The following CLEC10A variants were observed in gnomAD, a reference collection of about 807,000 sequenced individuals.
The protein encoded by CLEC10A is C-type lectin domain containing 10A.
In CLEC10A, 38 loss-of-function variants were observed where a neutral mutation model predicts 42.0. That is an observed-to-expected ratio of 0.90 (90% CI 0.70 to 1.18). The LOEUF (loss-of-function observed/expected upper bound fraction) is 1.18, where lower values mean the gene tolerates loss of function less well. CLEC10A is among the 50% of genes most tolerant of loss of function. CLEC10A has a pLI of 0.00. For synonymous variants in CLEC10A, 126 were observed against 139.9 expected, an observed-to-expected ratio of 0.90 and a Z score of 0.70; for missense variants, 298 against 345.9, an observed-to-expected ratio of 0.86 and a Z score of 1.10.
chr17:7,075,195 G>T lies in CLEC10A; in HGVS notation c.729C>A (p.Asp243Glu). 6.4e-7 allele frequency: 1 copy of T among 1,561,688 alleles called. No homozygotes were observed. The highest frequency in any genetic ancestry group is 2.3e-5 in the East Asian group (1 of 43,114). Residue 243 changes from aspartate to glutamate, a missense_variant, in exon 9 of 9, where the codon GAC becomes GAA. By Grantham distance (45) the Asp-to-Glu change is conservative. This residue lies in a region of CLEC10A where 267 missense variants were observed against 289.5 expected (regional missense o/e 0.92). Coordinates refer to ENST00000416562, the MANE Select transcript of CLEC10A (RefSeq NM_001330070.2). Reference protein sequence around the residue: ...FQNWKPGQPDDWQGHGLGGGE... With the variant: ...FQNWKPGQPDEWQGHGLGGGE... ...CTCCACCCAGCCCGTGCCCCTGCCA[G>T]TCGTCTGGCTGGCCTGGCTTCCAGT...
rs549237793 is a variant in CLEC10A at position 7,074,939 on chromosome 17, T to A, written c.*115A>T. 490 of 753,118 alleles carry A rather than the reference T, an allele frequency of 6.5e-4. 1 individual carries two copies. The highest frequency in any genetic ancestry group is 9.3e-4 in the Non-Finnish European group (468 of 504,948). 46.7% of individuals were successfully genotyped at this position (753,118 alleles called of 1,614,324 possible). A position where few individuals can be genotyped will look rare whatever the true frequency, so the allele number is the denominator to read the frequency against. On this transcript the variant is annotated 3_prime_UTR_variant, in exon 9 of 9. Coordinates refer to ENST00000416562, the MANE Select transcript of CLEC10A (RefSeq NM_001330070.2). The stretch of plus-strand genomic sequence containing the variant: ...AGAAAAAAATTCAAAATGTTAGCAG[T>A]GCTTCCAATCTCCCAGTGCTTATTT...
At chr17:7,078,419 A>G in intron 2 of CLEC10A, 2 of 503,686 alleles carry the variant, frequency 4.0e-6, no homozygotes, top group Non-Finnish European at 3.6e-6. Flanking sequence ...CCAGCCCTTC[A>G]TGGGCTTATG....
Position 7,078,023 on chromosome 17 carries a change from A to T in CLEC10A, c.158T>A (p.Val53Asp), listed in dbSNP as rs979807065. The T allele has an allele frequency of 6.8e-6, 11 of 1,613,524 alleles. No individual in the cohort carries two copies. In the African/African-American group the frequency reaches 1.3e-4, roughly 20 times the overall value. The change falls in exon 3 of 9, where the codon GTC (valine) becomes GAC (aspartate). Residue 53 changes from valine to aspartate, a missense_variant. Val to Asp is a radical substitution (Grantham distance 152). Transcript: ENST00000416562. The part of the protein sequence containing the change: ...LSLGLGLLLL[V>D]IICVVGFQNS... The stretch of plus-strand genomic sequence containing the variant: ...TTGGAATCCAACCACACAGATGATG[A>T]CCAGCAGCAGGAGGCCGAGGCCCAG...
At chr17:7,076,307 C>CTTTTTTTTTTTTTTTTTT (rs1206807036) in intron 5 of CLEC10A, among the ~76,000 whole-genome samples, 1 of 121,130 alleles carries the variant, frequency 8.3e-6, no homozygotes, top group Non-Finnish European at 1.7e-5. Context: ...TTCTTTCTTT[C>CTTTTTTTTTTTTTTTTTT]TTTTTTTTTT....
intron 7 of CLEC10A, 57 bp from the exon 8 acceptor site, chr17:7,075,523 T>C: frequency 1.4e-6 from 2 of 1,463,818 alleles, no homozygotes; most frequent in South Asian, 2.5e-5. Context: ...CTCCTTAAAC[T>C]AGTGATTCTC....
chr17:7,075,255 G>C (rs1911654885), intron 8 of CLEC10A, 33 bp from the exon 9 acceptor site: 1 of 1,513,358 alleles, frequency 6.6e-7, no homozygotes, highest in African/African-American at 1.4e-5. Flanking sequence ...AGCTAGGAAG[G>C]GTAGATGGAG....
intron 5 of CLEC10A, among the ~76,000 whole-genome samples, 173 bp downstream of exon 5, chr17:7,076,560 C>G (rs1911765354): frequency 6.6e-6 from 1 of 151,818 alleles, no homozygotes; most frequent in African/African-American, 2.4e-5. Context: ...GATCCACCCG[C>G]CTCGGCCTCC....
intron 3 of CLEC10A, 50 bp from the exon 4 acceptor site, chr17:7,077,037 T>C (rs1170002511): frequency 7.5e-7 from 1 of 1,331,496 alleles, no homozygotes; most frequent in Non-Finnish European, 1.1e-6. Context: ...AGGTCCTCTG[T>C]ACCAGCACCG....
At position 7,076,989 on chromosome 17, in the gene CLEC10A, T is replaced by C. The variant is rs780724227; in HGVS notation, c.185-2A>G. 5 of 1,606,096 alleles carry C rather than the reference T, an allele frequency of 3.1e-6. No homozygotes were observed. The highest frequency in any genetic ancestry group is 4.3e-6 in the Non-Finnish European group (5 of 1,172,970). ...CCAGGTCCCTCTGAAATTTGGAATC[T>C]AAACAGGTGGATGGGAAGGTCAGTG... On this transcript the variant is annotated splice_acceptor_variant, in intron 3 of 8. Coordinates refer to ENST00000416562, the MANE Select transcript of CLEC10A (RefSeq NM_001330070.2). LOFTEE classifies it high-confidence loss of function.
At position 7,078,078 on chromosome 17, in the gene CLEC10A, A is replaced by G. The variant is rs90951; in HGVS notation, c.103T>C (p.Cys35Arg). The change falls in exon 3 of 9, where the codon TGC becomes CGC. Residue 35 changes from cysteine to arginine, a missense_variant. By Grantham distance (180) the Cys-to-Arg change is radical. Transcript: ENST00000416562. The part of the protein sequence containing the change: ...LPLQSLLQRL[C>R]SGPCHLLLSL... ...AGCAGGAGATGGCAGGGCCCAGAGC[A>G]GAGACGCTGCAGGAGGGACTGGAGA... The G allele has an allele frequency of 0.37, 595,513 of 1,611,730 alleles. 121,453 individuals are homozygous for G. The highest frequency in any genetic ancestry group is 0.84 in the African/African-American group (63,064 of 74,942).
Sources: allele counts gnomAD v4.1 joint callset (sites outside exome capture counted in the v4.1 genomes callset), GRCh38; gene constraint gnomAD v4.1.1; regional missense constraint gnomAD v4.1.1; transcripts MANE v1.5; gene names NCBI Gene and HGNC (gene_info 2026-07-23, HGNC 2026-07-21).